SNRNP70: variants seen among roughly 807,000 people sequenced by gnomAD.
SNRNP70 encodes the protein U1 small nuclear ribonucleoprotein 70 kDa.
In SNRNP70, 8 loss-of-function variants were observed where a neutral mutation model predicts 50.5. The ratio of observed to expected loss-of-function variants is 0.16; its 90% confidence interval spans 0.09 to 0.29. SNRNP70 has a LOEUF of 0.29. Among genes scored for constraint, SNRNP70 ranks in the 10% least tolerant of loss-of-function variants. The pLI, the probability that SNRNP70 is intolerant of heterozygous loss-of-function variation, is 1.00. For missense variants in SNRNP70, 529 were observed against 663.5 expected, an observed-to-expected ratio of 0.80 and a Z score of 2.23; for synonymous variants, 320 against 252.9, an observed-to-expected ratio of 1.27 and a Z score of -2.52.
chr19:49,102,030 C>T (rs1482325539), intron 7 of SNRNP70: 4 of 590,290 alleles, frequency 6.8e-6, no homozygotes, highest in East Asian at 1.5e-4. Flanking sequence ...TCCACATGGG[C>T]AGGGATGGGT....
rs1487647623 is a variant in SNRNP70, at chr19:49,101,840, G to A, written c.475+369G>A. On this transcript the variant is annotated intron_variant, in intron 7 of 9. Coordinates refer to ENST00000598441, the MANE Select transcript of SNRNP70 (RefSeq NM_003089.6). The stretch of plus-strand genomic sequence containing the variant: ...AAGTTGGGGGTGGCCAGGTTGCAAT[G>A]AGGACTGGCCTTTGAACCTGCCCTC... Among the ~76,000 whole-genome samples the A allele has an allele frequency of 2.0e-5, 3 of 151,692 alleles. No homozygotes were observed. The East Asian group carries it at 5.8e-4, about 30-fold the overall frequency.
At chr19:49,091,403 C>A (rs1299473723) in intron 4 of SNRNP70, among the ~76,000 whole-genome samples, 1 of 151,844 alleles carries the variant, frequency 6.6e-6, no homozygotes, top group East Asian at 1.9e-4. Flanking sequence ...CGTCTATTTA[C>A]TGTACCCTTT....
At chr19:49,106,796 C>T (rs965325324) in intron 8 of SNRNP70, among the ~76,000 whole-genome samples, 6 of 152,192 alleles carry the variant, frequency 3.9e-5, no homozygotes, top group African/African-American at 1.4e-4. Context: ...GTTCATCTAT[C>T]TATTCACTTG....
chr19:49,086,686 C>T lies in SNRNP70; in HGVS notation c.147+125C>T. Reference sequence around the variant, plus strand: ...AAGCGAGGGGCTTAACCTTTGTGATCCTCAGTTTCTCTGTTTTAAATGGGG... The same window carrying T: ...AAGCGAGGGGCTTAACCTTTGTGATTCTCAGTTTCTCTGTTTTAAATGGGG... On this transcript the variant is annotated intron_variant, in intron 2 of 9. Transcript: ENST00000598441. 1.5e-5 allele frequency: 13 copies of T among 878,888 alleles called. No individual in the cohort carries two copies. The South Asian group carries it at 1.8e-4, about 12-fold the overall frequency. The allele number at this position is 878,888 out of a possible 1,614,324, so 54.4% of individuals were successfully genotyped here.
At chr19:49,100,592 G>T (rs2040570428) in intron 6 of SNRNP70, among the ~76,000 whole-genome samples, 1 of 152,078 alleles carries the variant, frequency 6.6e-6, no homozygotes, top group Non-Finnish European at 1.5e-5. Context: ...AGATCATGAG[G>T]TCAGGATTTC....
chr19:49,098,446 C>G lies in SNRNP70; in HGVS notation c.285C>G (p.Pro95=), dbSNP rs374423208. Residue 95 remains proline, a synonymous_variant, in exon 5 of 10, where the codon CCC becomes CCG. Transcript: ENST00000598441. ...ELKMWDPHND[P]NAQGDAFKTL... is the part of the protein sequence containing the mutation. The stretch of plus-strand genomic sequence containing the variant: ...GCACAGGGGACCCTCACAATGATCC[C>G]AATGCTCAGGGGGATGCCTTCAAGA... 5 of 1,613,500 alleles carry G rather than the reference C, an allele frequency of 3.1e-6. No individual in the cohort carries two copies. The African/African-American group carries it at 5.3e-5, about 17-fold the overall frequency.
At position 49,108,173 on chromosome 19, in the gene SNRNP70, G is replaced by A; in HGVS notation, c.1044G>A (p.Arg348=). The change falls in exon 10 of 10, where the codon CGG becomes CGA. Residue 348 remains arginine, a synonymous_variant. Coordinates refer to ENST00000598441, the MANE Select transcript of SNRNP70 (RefSeq NM_003089.6). ...CTGACGGTCCAGAGGAAAAGGGCCGGGATCGTGACCGGGAGCGACGGCGGA... is the reference window on the plus strand; with the variant it reads ...CTGACGGTCCAGAGGAAAAGGGCCGAGATCGTGACCGGGAGCGACGGCGGA... ...DGPDGPEEKG[R]DRDRERRRSH... The A allele has an allele frequency of 1.3e-6, 2 of 1,540,796 alleles. No homozygotes were observed. Among genetic ancestry groups the A allele is most frequent in the South Asian group, 2.4e-5 (2 of 82,504 alleles).
chr19:49,087,359 G>A (rs764010295), intron 2 of SNRNP70, among the ~76,000 whole-genome samples: 3 of 152,088 alleles, frequency 2.0e-5, no homozygotes, highest in South Asian at 2.1e-4. Flanking sequence ...GGGGATAGTG[G>A]TAGCACCCTT....
At position 49,108,152 on chromosome 19, in the gene SNRNP70, C is replaced by T. The variant is rs778467783; in HGVS notation, c.1023C>T (p.Asp341=). ...PPGELGPDGP[D]GPEEKGRDRD... ...GGGAGCTCGGGCCTGACGGCCCTGA[C>T]GGTCCAGAGGAAAAGGGCCGGGATC... Residue 341 remains aspartate (D), a synonymous_variant, in exon 10 of 10, where the codon GAC becomes GAT. Transcript: ENST00000598441. The T allele has an allele frequency of 1.0e-5, 16 of 1,542,472 alleles. No homozygotes were observed. In the East Asian group the frequency reaches 3.3e-4, roughly 32 times the overall value.
In SNRNP70 at chr19:49,108,500, G is replaced by C. The variant is rs1170157259; in HGVS notation, c.*57G>C. On this transcript the variant is annotated 3_prime_UTR_variant, in exon 10 of 10. Transcript: ENST00000598441. Reference sequence around the variant, plus strand: ...ACGCGTTCCTGCCCAGCCCCTTGCTGTCATCCCCTCCCCCAACCTTGGCCA... The same window carrying C: ...ACGCGTTCCTGCCCAGCCCCTTGCTCTCATCCCCTCCCCCAACCTTGGCCA... 4.6e-6 allele frequency: 7 copies of C among 1,538,314 alleles called. No individual in the cohort carries two copies. The highest frequency in any genetic ancestry group is 6.1e-6 in the Non-Finnish European group (7 of 1,141,306).
At chr19:49,090,555 T>G (rs1395637304) in intron 4 of SNRNP70, 35 bp downstream of exon 4, 1 of 1,598,854 alleles carries the variant, frequency 6.3e-7, no homozygotes, top group Non-Finnish European at 8.6e-7. Context: ...CTCTCTCCTC[T>G]CCCAAACCCT....
At chr19:49,088,711 G>A (rs1470462804) in intron 2 of SNRNP70, among the ~76,000 whole-genome samples, 13 of 151,882 alleles carry the variant, frequency 8.6e-5, no homozygotes, top group Admixed American at 8.5e-4. Flanking sequence ...TGGTCAGGAT[G>A]GTCTCAAACT....
At chr19:49,096,664 G>T (rs2040517767) in intron 4 of SNRNP70, among the ~76,000 whole-genome samples, 1 of 151,782 alleles carries the variant, frequency 6.6e-6, no homozygotes, top group African/African-American at 2.4e-5. Flanking sequence ...CTACTTGGGA[G>T]GCTGAGGCAG....
intron 8 of SNRNP70, among the ~76,000 whole-genome samples, chr19:49,105,725 GTC>G (rs2040657771): frequency 6.8e-6 from 1 of 147,778 alleles, no homozygotes; most frequent in South Asian, 2.2e-4. Flanking sequence ...GCAAGACTCT[GTC>G]TCAAAAAAAA....
chr19:49,092,772 A>G (rs1256773467), intron 4 of SNRNP70, among the ~76,000 whole-genome samples: 1 of 151,554 alleles, frequency 6.6e-6, no homozygotes, highest in Non-Finnish European at 1.5e-5. Flanking sequence ...TTTTTTGGAA[A>G]AACTTTAAAA....
chr19:49,086,062 G>A (rs546283090), intron 1 of SNRNP70, among the ~76,000 whole-genome samples: 1 of 152,288 alleles, frequency 6.6e-6, no homozygotes, highest in Admixed American at 6.5e-5. Flanking sequence ...CACGGGACGA[G>A]CAGCCACAGC....
chr19:49,085,757 C>T, intron 1 of SNRNP70, 121 bp downstream of exon 1: 3 of 412,196 alleles, frequency 7.3e-6, no homozygotes, highest in South Asian at 3.3e-5. Flanking sequence ...CCACAGGTCC[C>T]TTCTGCATCC....
chr19:49,090,203 G>A, intron 2 of SNRNP70, 88 bp from the exon 3 acceptor site: 1 of 1,124,180 alleles, frequency 8.9e-7, no homozygotes, highest in Non-Finnish European at 1.3e-6. Flanking sequence ...GTGGGGGTGG[G>A]AGGGTTAACC....
chr19:49,086,360 G>T (rs769900762), intron 1 of SNRNP70, 45 bp from the exon 2 acceptor site: 1 of 1,578,876 alleles, frequency 6.3e-7, no homozygotes, highest in South Asian at 1.2e-5. Flanking sequence ...GGCTTTCTCT[G>T]TGCAGACCCG....
Sources: gnomAD v4.1 joint callset for allele counts (sites outside exome capture counted in the v4.1 genomes callset) on GRCh38, gnomAD v4.1.1 for gene constraint, MANE v1.5 for transcripts, NCBI Gene and HGNC (gene_info 2026-07-23, HGNC 2026-07-21) for gene names.